EP300: variants seen among roughly 807,000 people sequenced by gnomAD.
EP300 encodes histone acetyltransferase p300.
Under a neutral mutation model 264.0 loss-of-function variants are expected in EP300, and 31 were observed. That is an observed-to-expected ratio of 0.12 (90% CI 0.09 to 0.16). The LOEUF (loss-of-function observed/expected upper bound fraction) is 0.16. Among genes scored for constraint, EP300 ranks in the 10% least tolerant of loss-of-function variants. EP300 has a pLI of 1.00. For missense variants in EP300, 2,766 were observed against 3,052.9 expected (o/e 0.91, Z 2.21); for synonymous variants, 1,340 against 1,045.4 (o/e 1.28, Z -5.44).
chr22:41,132,066 C>T (rs956034067), intron 6 of EP300, among the ~76,000 whole-genome samples: 5 of 151,546 alleles, frequency 3.3e-5, no homozygotes, highest in Admixed American at 2.6e-4. Context: ...TGTGGTGGTG[C>T]GTGCCTGTAA....
At position 41,119,172 on chromosome 22, in the gene EP300, A is replaced by T. The variant is rs62238694; in HGVS notation, c.729+1351A>T. Among the ~76,000 whole-genome samples the T allele has an allele frequency of 1.4e-3, 150 of 107,114 alleles. 4 individuals carry two copies. Among genetic ancestry groups the T allele is most frequent in the Middle Eastern group, 0.01 (2 of 200 alleles). The allele number at this position is 107,114 out of a possible 152,430, so 70.3% of individuals were successfully genotyped here. A position where few individuals can be genotyped will look rare whatever the true frequency, so the allele number is the denominator to read the frequency against. ...CACATACCACCATGCCTGGCTTATT[A>T]TTATTTTTTTTTTTTTTTTTTTTTT... On this transcript the variant is annotated intron_variant, in intron 2 of 30. Transcript: ENST00000263253.
intron 1 of EP300, among the ~76,000 whole-genome samples, chr22:41,096,365 C>T (rs1036300972): frequency 2.0e-5 from 3 of 152,058 alleles, no homozygotes; most frequent in Non-Finnish European, 4.4e-5. Context: ...ACGCTTAATG[C>T]CGTATGCACT....
At chr22:41,137,572 A>G in intron 7 of EP300, 81 bp from the exon 8 acceptor site, 1 of 1,569,564 alleles carries the variant, frequency 6.4e-7, no homozygotes, top group Non-Finnish European at 8.8e-7. Context: ...ATTCCATTAC[A>G]ATAATCAGTG....
intron 6 of EP300, among the ~76,000 whole-genome samples, 188 bp downstream of exon 6, chr22:41,131,821 C>T (rs2058921512): frequency 6.6e-6 from 1 of 152,096 alleles, no homozygotes; most frequent in Non-Finnish European, 1.5e-5. Context: ...TTTGTATCTT[C>T]CTTGATCCTT....
intron 9 of EP300, 99 bp downstream of exon 9, chr22:41,140,356 G>A (rs542017986): frequency 4.7e-5 from 40 of 851,038 alleles, no homozygotes; most frequent in Middle Eastern, 4.4e-4. Flanking sequence ...TGCTTCAGAC[G>A]GGGGACACGC....
intron 20 of EP300, among the ~76,000 whole-genome samples, chr22:41,162,430 AC>A (rs1250067213): frequency 6.6e-6 from 1 of 152,176 alleles, no homozygotes; most frequent in East Asian, 1.9e-4. Flanking sequence ...ATGATACCTA[AC>A]ACCAAGAATA....
At chr22:41,129,687 G>A (rs2058905431) in intron 4 of EP300, among the ~76,000 whole-genome samples, 1 of 152,164 alleles carries the variant, frequency 6.6e-6, no homozygotes, top group African/African-American at 2.4e-5. Context: ...AGTACTCTGT[G>A]ACTTTGTGCA....
At chr22:41,108,244 CTTTTTTTTTTTTT>C (rs1184276266) in intron 1 of EP300, 1 of 112,050 alleles carries the variant, frequency 8.9e-6, no homozygotes, top group African/African-American at 3.3e-5. Context: ...TTTTCTTTTT[CTTTTTTTTTTTTT>C]TTTTTTTTTG....
chr22:41,177,659 G>A lies in EP300; in HGVS notation c.5948G>A (p.Gly1983Glu), dbSNP rs1419768039. 6.2e-7 allele frequency: 1 copy of A among 1,614,004 alleles called. No individual in the cohort carries two copies. The highest frequency in any genetic ancestry group is 1.7e-5 in the Admixed American group (1 of 60,018). ...GGTCCCAGTGGGCATTTGGAGCCAG[G>A]GATGGGACCGACAGGGATGCAGCAA... ...TRGPSGHLEP[G>E]MGPTGMQQQP... The change falls in exon 31 of 31, where the codon GGG becomes GAG. Residue 1983 changes from glycine to glutamate, a missense_variant. Coordinates refer to ENST00000263253, the MANE Select transcript of EP300 (RefSeq NM_001429.4).
chr22:41,171,875 A>C (rs2059172883), intron 27 of EP300, among the ~76,000 whole-genome samples: 1 of 152,096 alleles, frequency 6.6e-6, no homozygotes, highest in Admixed American at 6.6e-5. Context: ...GGCCTCCCAA[A>C]GTGCTGGGAT....
intron 1 of EP300, among the ~76,000 whole-genome samples, chr22:41,112,507 T>A (rs2058798351): frequency 1.3e-5 from 2 of 152,140 alleles, no homozygotes; most frequent in Non-Finnish European, 2.9e-5. Flanking sequence ...CCAAGATGAA[T>A]CTTATATTTT....
At chr22:41,114,306 C>T (rs903164223) in intron 1 of EP300, among the ~76,000 whole-genome samples, 3 of 152,136 alleles carry the variant, frequency 2.0e-5, no homozygotes, top group Non-Finnish European at 4.4e-5. Flanking sequence ...CTCAGCCTCC[C>T]TAGTAGCTGA....
At chr22:41,134,666 G>GT (rs2058939828) in intron 6 of EP300, among the ~76,000 whole-genome samples, 1 of 151,994 alleles carries the variant, frequency 6.6e-6, no homozygotes, top group Middle Eastern at 3.2e-3. Flanking sequence ...AGCAGTTTGT[G>GT]TTTTTCGTTA....
chr22:41,163,308 G>A (rs951476958), intron 21 of EP300, among the ~76,000 whole-genome samples: 64 of 150,696 alleles, frequency 4.2e-4, no homozygotes, highest in Middle Eastern at 3.4e-3. Context: ...AGTGGCGGGC[G>A]CCTGTAGTCC....
intron 5 of EP300, 24 bp downstream of exon 5, chr22:41,130,027 G>A (rs2058908408): frequency 2.5e-6 from 4 of 1,582,818 alleles, no homozygotes; most frequent in Non-Finnish European, 3.5e-6. Flanking sequence ...TCTTTTGAAG[G>A]TTTATATGAA....
chr22:41,168,678 G>C (rs369105886), intron 24 of EP300, 43 bp from the exon 25 acceptor site: 315 of 1,614,096 alleles, frequency 2.0e-4, no homozygotes, highest in African/African-American at 2.8e-4. Context: ...ATTCCAGTCT[G>C]AATGAGTTAT....
Position 41,177,468 on chromosome 22 carries a change from A to T in EP300, c.5757A>T (p.Pro1919=), listed in dbSNP as rs2145517540. The change falls in exon 31 of 31, where the codon CCA becomes CCT. Residue 1919 remains proline (P), a synonymous_variant. Transcript: ENST00000263253. ...TPPQTAQPPL[P]GPPPAAVEMA... Reference sequence around the variant, plus strand: ...CTCAGACTGCTCAGCCACCCCTTCCAGGGCCCCCACCTGCAGCAGTGGAAA... The same window carrying T: ...CTCAGACTGCTCAGCCACCCCTTCCTGGGCCCCCACCTGCAGCAGTGGAAA... The T allele has an allele frequency of 5.6e-6, 9 of 1,614,110 alleles. No homozygotes were observed. The highest frequency in any genetic ancestry group is 1.3e-5 in the African/African-American group (1 of 75,022).
chr22:41,097,023 G>A (rs1270227339), intron 1 of EP300, among the ~76,000 whole-genome samples: 2 of 152,158 alleles, frequency 1.3e-5, no homozygotes, highest in East Asian at 3.8e-4. Flanking sequence ...CTTGTGATAT[G>A]CTATGTTTTA....
At chr22:41,102,073 A>G (rs951530340) in intron 1 of EP300, among the ~76,000 whole-genome samples, 15 of 75,096 alleles carry the variant, frequency 2.0e-4, no homozygotes, top group Admixed American at 1.3e-3. Flanking sequence ...TACTATATTG[A>G]TTTTTATGAC....
Sources: allele counts gnomAD v4.1 joint callset (sites outside exome capture counted in the v4.1 genomes callset), GRCh38; gene constraint gnomAD v4.1.1; transcripts MANE v1.5; gene names NCBI Gene and HGNC (gene_info 2026-07-23, HGNC 2026-07-21).